PDPR: variants seen among roughly 807,000 people sequenced by gnomAD.
The protein encoded by PDPR is pyruvate dehydrogenase phosphatase regulatory subunit.
PDPR carries 50 observed loss-of-function variants against 102.2 expected under a neutral mutation model. The ratio of observed to expected loss-of-function variants is 0.49; its 90% confidence interval spans 0.39 to 0.62. The LOEUF (loss-of-function observed/expected upper bound fraction) is 0.62. Ranked by LOEUF, PDPR falls within the 20% of genes least tolerant of loss-of-function variation. The probability of loss-of-function intolerance (pLI) is 0.00; values close to 1 mark genes in which losing one functional copy is unlikely to be tolerated. For synonymous variants in PDPR, 259 were observed against 406.0 expected, an observed-to-expected ratio of 0.64 and a Z score of 4.35; for missense variants, 625 against 1,098.2, an observed-to-expected ratio of 0.57 and a Z score of 6.09.
intron 10 of PDPR, among the ~76,000 whole-genome samples, chr16:70,137,189 A>G (rs1965236001): frequency 6.6e-6 from 1 of 152,192 alleles, no homozygotes; most frequent in African/African-American, 2.4e-5. Context: ...CATCTCTACT[A>G]AAAATACACA....
chr16:70,155,085 G>C (rs1228297200), intron 18 of PDPR, among the ~76,000 whole-genome samples: 8 of 152,094 alleles, frequency 5.3e-5, no homozygotes, highest in African/African-American at 1.9e-4. Context: ...CCAGCTACTC[G>C]GTAGGCTGAG....
intron 6 of PDPR, among the ~76,000 whole-genome samples, chr16:70,130,209 C>G (rs1413521762): frequency 6.6e-6 from 1 of 152,282 alleles, no homozygotes; most frequent in Non-Finnish European, 1.5e-5. Flanking sequence ...AGGAGAATTG[C>G]TTGAACCCAG....
At chr16:70,136,642 T>G (rs1284496122) in intron 10 of PDPR, among the ~76,000 whole-genome samples, 1 of 152,232 alleles carries the variant, frequency 6.6e-6, no homozygotes, top group South Asian at 2.1e-4. Context: ...TGGGATATTC[T>G]TTTATATTTT....
At chr16:70,124,244 T>C (rs1371558672) in intron 3 of PDPR, among the ~76,000 whole-genome samples, 6 of 152,302 alleles carry the variant, frequency 3.9e-5, no homozygotes, top group East Asian at 1.9e-4. Flanking sequence ...AAGCCTGTAA[T>C]TGTAGCTACT....
intron 3 of PDPR, among the ~76,000 whole-genome samples, chr16:70,125,636 T>G (rs1375147172): frequency 6.6e-6 from 1 of 151,794 alleles, no homozygotes; most frequent in Non-Finnish European, 1.5e-5. Flanking sequence ...TCTTTCCTTT[T>G]CTTTCTTTTT....
At chr16:70,147,906 G>A (rs1256552191) in intron 16 of PDPR, among the ~76,000 whole-genome samples, 8 of 152,192 alleles carry the variant, frequency 5.3e-5, no homozygotes, top group Admixed American at 2.6e-4. Context: ...GGTTCACTTC[G>A]GTGCTGTCCA....
At chr16:70,135,164 T>C (rs2911106) in intron 9 of PDPR, among the ~76,000 whole-genome samples, 112 of 152,306 alleles carry the variant, frequency 7.4e-4, no homozygotes, top group African/African-American at 1.1e-3. Flanking sequence ...CTGGATTATG[T>C]CCTGATGGTA....
At chr16:70,147,819 T>A in intron 16 of PDPR, 1 of 355,994 alleles carries the variant, frequency 2.8e-6, no homozygotes, top group South Asian at 2.1e-5. Flanking sequence ...TCCCAGCGTT[T>A]GCTCTGCTGC....
intron 18 of PDPR, 103 bp from the exon 19 acceptor site, chr16:70,156,372 G>A (rs1967191508): frequency 7.2e-7 from 1 of 1,393,224 alleles, no homozygotes; most frequent in South Asian, 1.4e-5. Flanking sequence ...GGAGGCGGCT[G>A]TGCCCCATTG....
At chr16:70,118,716 C>T (rs997277982) in intron 2 of PDPR, among the ~76,000 whole-genome samples, 4 of 152,030 alleles carry the variant, frequency 2.6e-5, no homozygotes, top group African/African-American at 7.2e-5. Context: ...AAATTGGTCA[C>T]GTGGAGATGA....
At chr16:70,115,665 A>T (rs540096778) in intron 2 of PDPR, among the ~76,000 whole-genome samples, 1 of 152,318 alleles carries the variant, frequency 6.6e-6, no homozygotes, top group South Asian at 2.1e-4. Context: ...ATACAGAGGG[A>T]CAACTCGAAG....
chr16:70,133,451 T>C (rs1450959849), intron 9 of PDPR, among the ~76,000 whole-genome samples: 6 of 117,882 alleles, frequency 5.1e-5, no homozygotes, highest in Non-Finnish European at 1.0e-4. Flanking sequence ...AGAGTCTTGC[T>C]CTGTCGCCCA....
chr16:70,148,703 G>T (rs1251903868), intron 17 of PDPR, 150 bp downstream of exon 17: 3 of 706,222 alleles, frequency 4.2e-6, no homozygotes, highest in Non-Finnish European at 7.6e-6. Context: ...TGGGCCTTGG[G>T]AGCTGAGGTA....
In PDPR at chr16:70,142,324, A is replaced by C. The variant is rs1474087623; in HGVS notation, c.1406A>C (p.Gln469Pro). 2 of 1,614,064 alleles carry C rather than the reference A, an allele frequency of 1.2e-6. No individual in the cohort carries two copies. Among genetic ancestry groups the C allele is most frequent in the African/African-American group, 2.7e-5 (2 of 75,074 alleles). ...CCTCTCTACGACCGGCTGGATGCAC[A>C]GGGAGCCAGGTGGATGGAGAAACAT... ...TSPLYDRLDA[Q>P]GARWMEKHGF... Residue 469 changes from glutamine to proline, a missense_variant, in exon 12 of 19, where the codon CAG (glutamine) becomes CCG (proline). Physicochemically the swap from Gln to Pro is moderately conservative, Grantham distance 76 (BLOSUM62 -1). Transcript: ENST00000288050.
At chr16:70,154,134 C>A (rs1475830867) in intron 18 of PDPR, among the ~76,000 whole-genome samples, 1 of 151,960 alleles carries the variant, frequency 6.6e-6, no homozygotes, top group African/African-American at 2.4e-5. Context: ...CCAGCCTGGG[C>A]GACAGAGCGA....
chr16:70,150,048 C>G (rs1348024445), intron 17 of PDPR, among the ~76,000 whole-genome samples: 2 of 151,886 alleles, frequency 1.3e-5, no homozygotes, highest in African/African-American at 4.8e-5. Flanking sequence ...CTTGGCCTCC[C>G]AAAGTGCTGG....
intron 3 of PDPR, among the ~76,000 whole-genome samples, chr16:70,121,592 T>G (rs1666594950): frequency 6.6e-6 from 1 of 151,982 alleles, no homozygotes; most frequent in African/African-American, 2.4e-5. Context: ...CTCAGCAGGC[T>G]GAGGCAGGAG....
chr16:70,148,151 C>T (rs781705521), intron 16 of PDPR, among the ~76,000 whole-genome samples: 2 of 152,226 alleles, frequency 1.3e-5, no homozygotes, highest in Non-Finnish European at 2.9e-5. Flanking sequence ...CTGCTACCCT[C>T]GACTAACACA....
At chr16:70,138,714 T>G (rs1965418599) in intron 10 of PDPR, among the ~76,000 whole-genome samples, 185 bp from the exon 11 acceptor site, 1 of 152,268 alleles carries the variant, frequency 6.6e-6, no homozygotes, top group Non-Finnish European at 1.5e-5. Flanking sequence ...CTCATAGTAG[T>G]CTTTTGAGAG....
Sources: gnomAD v4.1 joint callset for allele counts (sites outside exome capture counted in the v4.1 genomes callset) on GRCh38, gnomAD v4.1.1 for gene constraint, MANE v1.5 for transcripts, NCBI Gene and HGNC (gene_info 2026-07-23, HGNC 2026-07-21) for gene names.